SLC16A6: variants seen among roughly 807,000 people sequenced by gnomAD.
SLC16A6 encodes monocarboxylate transporter 7.
A neutral mutation model predicts 33.8 loss-of-function variants in SLC16A6; 15 were observed. That is an observed-to-expected ratio of 0.44 (90% confidence interval 0.30 to 0.68). The LOEUF is 0.68. SLC16A6 is among the 30% of genes least tolerant of loss of function. SLC16A6 has a pLI of 0.10. For synonymous variants in SLC16A6, 219 were observed against 248.4 expected (o/e 0.88, Z 1.11); for missense variants, 451 against 661.5 (o/e 0.68, Z 3.49).
chr17:68,273,314 T>G (rs1555749738), intron 3 of SLC16A6, among the ~76,000 whole-genome samples: 1 of 151,986 alleles, frequency 6.6e-6, no homozygotes, highest in East Asian at 1.9e-4. Flanking sequence ...GCTCAAGTGA[T>G]CCTCCCACCT....
At chr17:68,284,133 G>A (rs1443179924) in intron 1 of SLC16A6, among the ~76,000 whole-genome samples, 5 of 148,032 alleles carry the variant, frequency 3.4e-5, no homozygotes, top group Non-Finnish European at 7.4e-5. Context: ...AAAGCTGGGC[G>A]CAGTGGCTCA....
chr17:68,276,326 G>A (rs1287654510), intron 2 of SLC16A6, among the ~76,000 whole-genome samples: 3 of 152,208 alleles, frequency 2.0e-5, no homozygotes, highest in African/African-American at 7.2e-5. Flanking sequence ...ACATTCTATG[G>A]CTAAAAATGG....
chr17:68,285,336 G>A (rs1555754033), intron 1 of SLC16A6, among the ~76,000 whole-genome samples: 1 of 152,196 alleles, frequency 6.6e-6, no homozygotes, highest in Non-Finnish European at 1.5e-5. Flanking sequence ...AGAGAGACGT[G>A]GAGTGCAGTG....
intron 3 of SLC16A6, among the ~76,000 whole-genome samples, chr17:68,273,370 G>A (rs1488347695): frequency 2.0e-5 from 3 of 151,950 alleles, no homozygotes; most frequent in South Asian, 2.1e-4. Flanking sequence ...CCACAGGCAC[G>A]CACCACCACG....
At chr17:68,270,534 A>AC (rs757390206) in intron 5 of SLC16A6, among the ~76,000 whole-genome samples, 202 of 150,058 alleles carry the variant, frequency 1.3e-3, no homozygotes, top group Non-Finnish European at 2.5e-3. Context: ...AGCCTGGGTG[A>AC]TAGAGCGAGA....
intron 1 of SLC16A6, chr17:68,282,867 G>A (rs1163343020): frequency 1.3e-5 from 2 of 149,548 alleles, no homozygotes; most frequent in Admixed American, 1.3e-4. Flanking sequence ...AGAATTGCTT[G>A]AACCCCGGAG....
In SLC16A6 at chr17:68,271,183, T is replaced by C; in HGVS notation, c.977A>G (p.Gln326Arg). The stretch of plus-strand genomic sequence containing the variant: ...AGATAATAAAAAAGCAGCGCGGTCC[T>C]GGTCAATGCCCAGACTAATGCCCAG... ...IPLGISLGID[Q>R]DRAAFLLSTM... The change falls in exon 5 of 6, where the codon CAG becomes CGG. Residue 326 changes from glutamine (Q) to arginine (R), a missense_variant. By Grantham distance (43) the Gln-to-Arg change is conservative (BLOSUM62 1). This residue lies in a region of SLC16A6 where 405 missense variants were observed against 510.7 expected (regional missense o/e 0.79). Transcript: ENST00000580666. This position sits in a 1 kb window ranked among gnomAD's most constrained non-coding sequence, Gnocchi z 5.3. The C allele has an allele frequency of 6.2e-7, 1 of 1,614,088 alleles. No homozygotes were observed. The highest frequency in any genetic ancestry group is 8.5e-7 in the Non-Finnish European group (1 of 1,180,042).
intron 1 of SLC16A6, among the ~76,000 whole-genome samples, chr17:68,280,833 C>G (rs782671949): frequency 6.6e-6 from 1 of 152,100 alleles, no homozygotes; most frequent in African/African-American, 2.4e-5. Context: ...GGAAACATAT[C>G]AACAGAGTGA....
At chr17:68,279,863 T>C (rs1359095709) in intron 1 of SLC16A6, among the ~76,000 whole-genome samples, 1 of 152,178 alleles carries the variant, frequency 6.6e-6, no homozygotes, top group Non-Finnish European at 1.5e-5. Flanking sequence ...CTTCAAGCTC[T>C]TAATGGCAAC....
intron 1 of SLC16A6, among the ~76,000 whole-genome samples, chr17:68,281,565 C>T (rs1159330532): frequency 6.6e-6 from 1 of 152,106 alleles, no homozygotes; most frequent in Non-Finnish European, 1.5e-5. Flanking sequence ...CACAGCGAGA[C>T]TCTGTCTCAA....
chr17:68,271,650 G>A lies in SLC16A6; in HGVS notation c.510C>T (p.Ile170=), dbSNP rs2075344262. ...CFAVFAFAPA[I]MALKERIGWR... is the part of the protein sequence containing the mutation. ...AGCCAATGCGCTCCTTCAGAGCCAT[G>A]ATTGCTTGAATAGGCAGGAGTGAAG... is the stretch of plus-strand genomic sequence containing the variant. The change falls in exon 5 of 6, where the codon ATC becomes ATT. Residue 170 remains isoleucine, a synonymous_variant. Coordinates refer to ENST00000580666, the MANE Select transcript of SLC16A6 (RefSeq NM_004694.5). The surrounding 1 kb of genome is among the most constrained non-coding windows in gnomAD (Gnocchi z 5.3). 1 of 1,610,510 alleles carries A rather than the reference G, an allele frequency of 6.2e-7. No individual in the cohort carries two copies. The highest frequency in any genetic ancestry group is 8.5e-7 in the Non-Finnish European group (1 of 1,177,206).
chr17:68,282,203 GA>G (rs1386555957), intron 1 of SLC16A6, among the ~76,000 whole-genome samples: 1 of 152,116 alleles, frequency 6.6e-6, no homozygotes, highest in Non-Finnish European at 1.5e-5. Context: ...CCTTGGTAGG[GA>G]CATGGATGAA....
chr17:68,278,441 G>A lies in SLC16A6; in HGVS notation c.-7-114C>T, dbSNP rs1295065192. ...TACTTACCCCATTTCTTAAGTTGTTGAATATTTATTTATTTATTTATTTAT... is the reference window on the plus strand; with the variant it reads ...TACTTACCCCATTTCTTAAGTTGTTAAATATTTATTTATTTATTTATTTAT... On this transcript the variant is annotated intron_variant, in intron 1 of 5. Transcript: ENST00000580666. 10 of 647,492 alleles carry A rather than the reference G, an allele frequency of 1.5e-5. No individual in the cohort carries two copies. In the East Asian group the frequency reaches 2.8e-4, roughly 18 times the overall value. The allele number at this position is 647,492 out of a possible 1,614,324, so 40.1% of individuals were successfully genotyped here.
chr17:68,275,982 C>CA (rs1193683472), intron 2 of SLC16A6, among the ~76,000 whole-genome samples: 1,169 of 116,310 alleles, frequency 0.01, 7 homozygotes, highest in African/African-American at 0.027. Flanking sequence ...GACTCCGTCT[C>CA]AAAAAAAAAA....
intron 1 of SLC16A6, among the ~76,000 whole-genome samples, chr17:68,282,779 T>TAAAA (rs36155626): frequency 0.092 from 4,906 of 53,230 alleles, 551 homozygotes; most frequent in African/African-American, 0.21. Context: ...CCATCTCTAC[T>TAAAA]AAAAAAAAAA....
chr17:68,286,573 T>C (rs1468420165), intron 1 of SLC16A6, among the ~76,000 whole-genome samples: 5 of 152,076 alleles, frequency 3.3e-5, no homozygotes, highest in African/African-American at 9.7e-5. Context: ...GGCACGATCT[T>C]GGCTCACTGC....
chr17:68,267,132 T>TA lies in SLC16A6; in HGVS notation c.*1963dup, dbSNP rs2075182927. ...TTGTTTGTATTTTCTTCCAAACATT[T>TA]AAAACCTTGATTATTGACATACTGA... On this transcript the variant is annotated 3_prime_UTR_variant, in exon 6 of 6. Coordinates refer to ENST00000580666, the MANE Select transcript of SLC16A6 (RefSeq NM_004694.5). 6.6e-6 allele frequency: 1 copy of TA among 152,216 alleles called. No individual in the cohort carries two copies. 9.4% of individuals were successfully genotyped at this position (152,216 alleles called of 1,614,324 possible).
At chr17:68,275,805 C>G (rs1366987578) in intron 2 of SLC16A6, among the ~76,000 whole-genome samples, 1 of 151,906 alleles carries the variant, frequency 6.6e-6, no homozygotes, top group Non-Finnish European at 1.5e-5. Context: ...CATAGCAAAA[C>G]CCCGTCTCTA....
chr17:68,267,195 T>C lies in SLC16A6; in HGVS notation c.*1901A>G, dbSNP rs1555746674. 6.6e-6 allele frequency: 1 copy of C among 152,222 alleles called. No individual in the cohort carries two copies. Among genetic ancestry groups the C allele is most frequent in the Non-Finnish European group, 1.5e-5 (1 of 68,024 alleles). The allele number at this position is 152,222 out of a possible 1,614,324, so 9.4% of individuals were successfully genotyped here. A position where few individuals can be genotyped will look rare whatever the true frequency, so the allele number is the denominator to read the frequency against. On this transcript the variant is annotated 3_prime_UTR_variant, in exon 6 of 6. Transcript: ENST00000580666. ...TTTTGTTTTCATGCAGATAACAGAA[T>C]AGACATGGAGCAGATCCCTCAGAAA...
Sources: allele counts gnomAD v4.1 joint callset (sites outside exome capture counted in the v4.1 genomes callset), GRCh38; gene constraint gnomAD v4.1.1; regional missense constraint gnomAD v4.1.1; non-coding constraint Gnocchi (gnomAD v3.1); transcripts MANE v1.5; gene names NCBI Gene and HGNC (gene_info 2026-07-23, HGNC 2026-07-21).